Variants in AKR1C1 observed in about 807,000 individuals in gnomAD.
AKR1C1 encodes 20 alpha-hydroxysteroid dehydrogenase.
In AKR1C1, 32 loss-of-function variants were observed where a neutral mutation model predicts 40.6. The observed-to-expected ratio is 0.79, with a 90% confidence interval of 0.60 to 1.06. AKR1C1 has a LOEUF of 1.06. Among genes scored for constraint, AKR1C1 ranks in the 50% least tolerant of loss-of-function variants. The pLI is 0.00. For synonymous variants in AKR1C1, 105 were observed against 134.2 expected (o/e 0.78, Z 1.50); for missense variants, 320 against 363.5 (o/e 0.88, Z 0.97).
chr10:4,974,471 T>C (rs1470338947), intron 7 of AKR1C1, among the ~76,000 whole-genome samples: 2 of 152,084 alleles, frequency 1.3e-5, no homozygotes, highest in African/African-American at 4.8e-5. Context: ...TTTCTTGTGG[T>C]TGGTGAGTGT....
intron 5 of AKR1C1, among the ~76,000 whole-genome samples, chr10:4,971,992 A>G (rs1382631838): frequency 1.2e-4 from 18 of 150,378 alleles, no homozygotes; most frequent in African/African-American, 3.7e-4. Context: ...GATAGGGTTC[A>G]TGGAGTTGCT....
At chr10:4,970,938 T>C (rs1836415884) in intron 5 of AKR1C1, among the ~76,000 whole-genome samples, 1 of 151,818 alleles carries the variant, frequency 6.6e-6, no homozygotes, top group Non-Finnish European at 1.5e-5. Flanking sequence ...TGTGCACATG[T>C]ACCCTCGAAC....
chr10:4,968,882 C>T lies in AKR1C1; in HGVS notation c.508C>T (p.Arg170Cys), dbSNP rs149814010. Reference sequence around the variant, plus strand: ...GTCCATCGGGGTGTCCAACTTCAACCGCAGGCAGCTGGAGATGATCCTCAA... The same window carrying T: ...GTCCATCGGGGTGTCCAACTTCAACTGCAGGCAGCTGGAGATGATCCTCAA... ...AKSIGVSNFNRRQLEMILNKP... is the reference protein window; with the variant it reads ...AKSIGVSNFNCRQLEMILNKP... Residue 170 changes from arginine to cysteine, a missense_variant, in exon 5 of 9, where the codon CGC becomes TGC. Arg to Cys is a radical substitution (Grantham distance 180, BLOSUM62 -3). Coordinates refer to ENST00000380872, the MANE Select transcript of AKR1C1 (RefSeq NM_001353.6). 1.1e-4 allele frequency: 181 copies of T among 1,614,124 alleles called. No individual in the cohort carries two copies. The Middle Eastern group carries it at 1.2e-3, about 10-fold the overall frequency.
chr10:4,964,353 A>G (rs1836296434), intron 1 of AKR1C1, among the ~76,000 whole-genome samples: 1 of 152,212 alleles, frequency 6.6e-6, no homozygotes, highest in Admixed American at 6.5e-5. Context: ...CATTTTGAAG[A>G]CCATTGACAG....
chr10:4,969,089 G>C, intron 5 of AKR1C1, 145 bp downstream of exon 5: 1 of 1,498,406 alleles, frequency 6.7e-7, no homozygotes, highest in Non-Finnish European at 8.9e-7. Flanking sequence ...GGGCATAGAG[G>C]GATCTTACTT....
In AKR1C1 at chr10:4,973,748, A is replaced by C. The variant is rs368312002; in HGVS notation, c.846+999A>C. 1.3e-4 allele frequency among the ~76,000 whole-genome samples: 20 copies of C among 152,248 alleles called. No homozygotes were observed. The South Asian group carries it at 3.9e-3, about 30-fold the overall frequency. ...TCCTAATTAATCTATCATTTATACG[A>C]TATGTGTGAAATAACATATTAATAG... On this transcript the variant is annotated intron_variant, in intron 7 of 8. Coordinates refer to ENST00000380872, the MANE Select transcript of AKR1C1 (RefSeq NM_001353.6).
At chr10:4,969,777 G>T (rs912533212) in intron 5 of AKR1C1, 9 of 1,592,852 alleles carry the variant, frequency 5.7e-6, no homozygotes, top group East Asian at 2.2e-5. Context: ...CAGCATTAAA[G>T]TTACTACACT....
At chr10:4,969,242 T>C (rs1836385653) in intron 5 of AKR1C1, among the ~76,000 whole-genome samples, 1 of 152,158 alleles carries the variant, frequency 6.6e-6, no homozygotes, top group African/African-American at 2.4e-5. Context: ...CCCTAAGCTA[T>C]GAAAGATGAC....
intron 4 of AKR1C1, 130 bp from the exon 5 acceptor site, chr10:4,968,692 C>T: frequency 6.9e-7 from 1 of 1,449,002 alleles, no homozygotes; most frequent in South Asian, 1.4e-5. Flanking sequence ...CCCCAATTTT[C>T]TGTTTTATTT....
In AKR1C1 at chr10:4,968,075, A is replaced by G. The variant is rs551007828; in HGVS notation, c.370-234A>G. On this transcript the variant is annotated intron_variant, in intron 3 of 8. Transcript: ENST00000380872. The stretch of plus-strand genomic sequence containing the variant: ...AAGTCAATGATGACACTCCATTAGG[A>G]ACCAGAAAGAGGTATTTATTTATAC... The G allele has an allele frequency of 1.2e-4, 94 of 780,398 alleles. 1 individual carries two copies. The highest frequency in any genetic ancestry group is 1.7e-4 in the Non-Finnish European group (86 of 518,524). The allele number at this position is 780,398 out of a possible 1,614,324, so 48.3% of individuals were successfully genotyped here. A position where few individuals can be genotyped will look rare whatever the true frequency, so the allele number is the denominator to read the frequency against.
chr10:4,976,641 T>C (rs555052846), intron 8 of AKR1C1, among the ~76,000 whole-genome samples: 1 of 152,322 alleles, frequency 6.6e-6, no homozygotes, highest in East Asian at 1.9e-4. Flanking sequence ...GGAGATAATT[T>C]ATAACCAATA....
intron 7 of AKR1C1, among the ~76,000 whole-genome samples, chr10:4,974,561 AT>A (rs2131647273): frequency 6.6e-6 from 1 of 152,156 alleles, no homozygotes; most frequent in South Asian, 2.1e-4. Flanking sequence ...TTCCTTATAA[AT>A]TTGGTTAATT....
chr10:4,972,347 G>T, intron 6 of AKR1C1, 37 bp downstream of exon 6: 1 of 1,559,286 alleles, frequency 6.4e-7, no homozygotes, highest in Non-Finnish European at 8.6e-7. Flanking sequence ...TAAAACACCG[G>T]TTTGATAAAA....
chr10:4,964,981 C>A (rs770093423), intron 1 of AKR1C1, among the ~76,000 whole-genome samples: 12 of 152,300 alleles, frequency 7.9e-5, no homozygotes, highest in African/African-American at 2.9e-4. Context: ...GTGCAAACTG[C>A]GGAGTTTCTG....
chr10:4,974,285 A>G (rs1184722762), intron 7 of AKR1C1, among the ~76,000 whole-genome samples: 1 of 151,854 alleles, frequency 6.6e-6, no homozygotes, highest in Non-Finnish European at 1.5e-5. Flanking sequence ...TATATGTTAG[A>G]TTAACTAGAA....
Position 4,968,896 on chromosome 10 carries a change from G to C in AKR1C1, c.522G>C (p.Glu174Asp), listed in dbSNP as rs759174471. The C allele has an allele frequency of 6.2e-7, 1 of 1,614,212 alleles. No homozygotes were observed. Among genetic ancestry groups the C allele is most frequent in the Non-Finnish European group, 8.5e-7 (1 of 1,180,042 alleles). Residue 174 changes from glutamate (E) to aspartate (D), a missense_variant, in exon 5 of 9, where the codon GAG becomes GAC. This residue lies in a region of AKR1C1 where 214 missense variants were observed against 214.8 expected (regional missense o/e 1.00). Coordinates refer to ENST00000380872, the MANE Select transcript of AKR1C1 (RefSeq NM_001353.6). Reference protein sequence around the residue: ...GVSNFNRRQLEMILNKPGLKY... With the variant: ...GVSNFNRRQLDMILNKPGLKY... Reference sequence around the variant, plus strand: ...CCAACTTCAACCGCAGGCAGCTGGAGATGATCCTCAACAAGCCAGGGCTCA... The same window carrying C: ...CCAACTTCAACCGCAGGCAGCTGGACATGATCCTCAACAAGCCAGGGCTCA...
chr10:4,977,324 G>C (rs1325156719), intron 8 of AKR1C1, among the ~76,000 whole-genome samples: 1 of 152,178 alleles, frequency 6.6e-6, no homozygotes, highest in Non-Finnish European at 1.5e-5. Flanking sequence ...GTTTATTAGT[G>C]ATGAGCATAT....
rs1207652279 is a variant in AKR1C1 at position 4,981,472 on chromosome 10, T to C, written c.*3730T>C. ...TAAGAAAATGGAGAAAAGTACCAGA[T>C]GGCAGATGGGAGGCAGTGTGAGCAT... On this transcript the variant is annotated 3_prime_UTR_variant, in exon 9 of 9. Transcript: ENST00000380872. 1 of 152,180 alleles carries C rather than the reference T, an allele frequency of 6.6e-6. No homozygotes were observed. Among genetic ancestry groups the C allele is most frequent in the African/African-American group, 2.4e-5 (1 of 41,434 alleles). 9.4% of individuals were successfully genotyped at this position (152,180 alleles called of 1,614,324 possible).
At position 4,979,736 on chromosome 10, in the gene AKR1C1, G is replaced by T. The variant is rs1836587994; in HGVS notation, c.*1994G>T. On this transcript the variant is annotated 3_prime_UTR_variant, in exon 9 of 9. Transcript: ENST00000380872. The stretch of plus-strand genomic sequence containing the variant: ...TAAAACTCTTATTGTTAAAAAAAAA[G>T]TTACTCAGAATTTCATAAAGCCAAA... 6.6e-6 allele frequency: 1 copy of T among 151,702 alleles called. No individual in the cohort carries two copies. Among genetic ancestry groups the T allele is most frequent in the South Asian group, 2.1e-4 (1 of 4,814 alleles). 9.4% of individuals were successfully genotyped at this position (151,702 alleles called of 1,614,324 possible). A position where few individuals can be genotyped will look rare whatever the true frequency, so the allele number is the denominator to read the frequency against.
Sources: gnomAD v4.1 joint callset for allele counts (sites outside exome capture counted in the v4.1 genomes callset) on GRCh38, gnomAD v4.1.1 for gene constraint, gnomAD v4.1.1 regional missense constraint, MANE v1.5 for transcripts, NCBI Gene and HGNC (gene_info 2026-07-23, HGNC 2026-07-21) for gene names.